GPR107: variants seen among roughly 807,000 people sequenced by gnomAD.
GPR107 encodes the protein protein GPR107.
GPR107 carries 31 observed loss-of-function variants against 75.5 expected under a neutral mutation model. The observed-to-expected ratio is 0.41, with a 90% CI of 0.31 to 0.55. GPR107 has a LOEUF of 0.55. GPR107 is among the 20% of genes least tolerant of loss of function. The pLI is 0.26. For synonymous variants in GPR107, 267 were observed against 251.3 expected (o/e 1.06, Z -0.59); for missense variants, 572 against 665.7 (o/e 0.86, Z 1.55).
chr9:130,099,574 TAATGCCTGTGTGAGCAGGCAAAAGA>T, intron 10 of GPR107, 42 bp downstream of exon 10: 1 of 1,125,462 alleles, frequency 8.9e-7, no homozygotes, highest in East Asian at 2.4e-5. Flanking sequence ...AAATTACGTA[TAATGCCTGTGTGAGCAGGCAAAAGA>T]AATTTGAAGA....
At chr9:130,097,908 G>A (rs1830916904) in intron 9 of GPR107, among the ~76,000 whole-genome samples, 1 of 151,724 alleles carries the variant, frequency 6.6e-6, no homozygotes, top group Non-Finnish European at 1.5e-5. Flanking sequence ...TTGAGACAGG[G>A]ACTCGCTCTG....
At chr9:130,072,241 G>A (rs1334788171) in intron 1 of GPR107, among the ~76,000 whole-genome samples, 5 of 146,314 alleles carry the variant, frequency 3.4e-5, no homozygotes, top group Non-Finnish European at 1.5e-5. Flanking sequence ...TTTTTTTTGA[G>A]ATGGAGTCTC....
chr9:130,126,377 C>T (rs1831686124), intron 15 of GPR107, among the ~76,000 whole-genome samples: 1 of 141,758 alleles, frequency 7.1e-6, no homozygotes, highest in Admixed American at 7.2e-5. Context: ...CGGAGTTTCG[C>T]TCTTGTCTCC....
intron 5 of GPR107, 43 bp from the exon 6 acceptor site, chr9:130,083,522 G>A: frequency 7.6e-7 from 1 of 1,321,458 alleles, no homozygotes; most frequent in South Asian, 1.5e-5. Context: ...GTATCTGTAA[G>A]TTGAGTCATG....
rs73539696 is a variant in GPR107, at chr9:130,075,737, C to T, written c.243C>T (p.Asp81=). Residue 81 remains aspartate, a synonymous_variant, in exon 2 of 18, where the codon GAC becomes GAT. Coordinates refer to ENST00000347136, the MANE Select transcript of GPR107 (RefSeq NM_020960.5). ...VSSLSLNEPE[D]KDVTIGFSLD... ...GCCTCTCACTGAATGAGCCTGAAGA[C>T]AAGGATGTGACTGTAAGTACCTTTT... The T allele has an allele frequency of 0.069, 103,934 of 1,503,276 alleles. 3,991 individuals are homozygous for T. The highest frequency in any genetic ancestry group is 0.09 in the Middle Eastern group (525 of 5,828). The allele number at this position is 1,503,276 out of a possible 1,614,324, so 93.1% of individuals were successfully genotyped here. A position where few individuals can be genotyped will look rare whatever the true frequency, so the allele number is the denominator to read the frequency against.
chr9:130,068,918 T>G (rs948541127), intron 1 of GPR107, among the ~76,000 whole-genome samples: 16 of 152,074 alleles, frequency 1.1e-4, no homozygotes, highest in African/African-American at 3.4e-4. Context: ...TTTTGTATTT[T>G]TGGCAGAGAT....
chr9:130,064,490 G>A (rs1220440653), intron 1 of GPR107, among the ~76,000 whole-genome samples: 2 of 152,106 alleles, frequency 1.3e-5, no homozygotes, highest in Admixed American at 6.5e-5. Context: ...GTGAGCCACC[G>A]CGCCCGGCCA....
intron 17 of GPR107, 50 bp from the exon 18 acceptor site, chr9:130,134,975 T>C (rs868976775): frequency 1.9e-6 from 2 of 1,068,308 alleles, no homozygotes; most frequent in Middle Eastern, 4.0e-4. Flanking sequence ...GATGGCCTTT[T>C]ACTAAGAGAC....
intron 1 of GPR107, among the ~76,000 whole-genome samples, chr9:130,065,494 G>A (rs915555152): frequency 3.3e-5 from 5 of 151,626 alleles, no homozygotes; most frequent in Admixed American, 3.3e-4. Context: ...GGCCTGGTGC[G>A]GTGGCTCATG....
chr9:130,105,136 C>A (rs951166092), intron 13 of GPR107, among the ~76,000 whole-genome samples: 1 of 152,130 alleles, frequency 6.6e-6, no homozygotes, highest in African/African-American at 2.4e-5. Context: ...AGAAGGCTAG[C>A]AGCAATAAAA....
chr9:130,100,224 C>T lies in GPR107; in HGVS notation c.940-405C>T, dbSNP rs147006781. On this transcript the variant is annotated intron_variant, in intron 10 of 17. Coordinates refer to ENST00000347136, the MANE Select transcript of GPR107 (RefSeq NM_020960.5). ...CGACTTTTTTATGTTTCCAGATATT[C>T]CCTCATGTTCCTCTGTGATTTGAAG... Among the ~76,000 whole-genome samples, 318 of 152,240 alleles carry T rather than the reference C, an allele frequency of 2.1e-3. 2 individuals carry two copies. The highest frequency in any genetic ancestry group is 7.5e-3 in the African/African-American group (311 of 41,534).
At chr9:130,076,898 T>C (rs112952797) in intron 3 of GPR107, among the ~76,000 whole-genome samples, 6,160 of 151,354 alleles carry the variant, frequency 0.041, 463 homozygotes, top group African/African-American at 0.14. Context: ...TTTTTGTTTT[T>C]TTTTTTGAGA....
At chr9:130,094,790 C>T (rs2132597218) in intron 9 of GPR107, among the ~76,000 whole-genome samples, 1 of 152,148 alleles carries the variant, frequency 6.6e-6, no homozygotes, top group African/African-American at 2.4e-5. Flanking sequence ...AAGCGATTCT[C>T]TTGCCTCAGC....
Position 130,101,074 on chromosome 9 carries a change from T to TG in GPR107, c.1014-31dup, listed in dbSNP as rs749410538. 1.7e-5 allele frequency: 20 copies of TG among 1,180,894 alleles called. No individual in the cohort carries two copies. In the South Asian group the frequency reaches 2.3e-4, roughly 14 times the overall value. The allele number at this position is 1,180,894 out of a possible 1,614,324, so 73.2% of individuals were successfully genotyped here. ...CTGGCAGTGAGAGTCTAAAGAGACC[T>TG]GCTGGTGTCTGTTCCTTGTTTTCTC... is the stretch of plus-strand genomic sequence containing the variant. On this transcript the variant is annotated intron_variant, in intron 11 of 17. Transcript: ENST00000347136.
chr9:130,084,901 C>T (rs1830580654), intron 6 of GPR107, among the ~76,000 whole-genome samples: 2 of 152,058 alleles, frequency 1.3e-5, no homozygotes, highest in Non-Finnish European at 2.9e-5. Flanking sequence ...GAGCTGTCGC[C>T]GGGGCTGAGT....
intron 4 of GPR107, among the ~76,000 whole-genome samples, chr9:130,078,226 C>T (rs558825491): frequency 4.6e-5 from 7 of 152,104 alleles, no homozygotes; most frequent in African/African-American, 1.7e-4. Context: ...TCAAGTTCAG[C>T]ATACTTCCAA....
chr9:130,088,443 T>A (rs1487450216), intron 7 of GPR107, among the ~76,000 whole-genome samples: 1 of 152,234 alleles, frequency 6.6e-6, no homozygotes, highest in Non-Finnish European at 1.5e-5. Context: ...TCCAACATGC[T>A]GTATACTGTA....
chr9:130,140,081 G>A lies in GPR107; in HGVS notation c.*4960G>A, dbSNP rs1832062183. ...TTATGTAAACATACAACGTATAATGGGTGGGGGATCCGATCATGGTGATGT... is the reference window on the plus strand; with the variant it reads ...TTATGTAAACATACAACGTATAATGAGTGGGGGATCCGATCATGGTGATGT... On this transcript the variant is annotated 3_prime_UTR_variant, in exon 18 of 18. Coordinates refer to ENST00000347136, the MANE Select transcript of GPR107 (RefSeq NM_020960.5). This position sits in a 1 kb window ranked among gnomAD's most constrained non-coding sequence, Gnocchi z 4.0. 6.6e-6 allele frequency: 1 copy of A among 152,096 alleles called. No individual in the cohort carries two copies. The highest frequency in any genetic ancestry group is 2.4e-5 in the African/African-American group (1 of 41,406). 9.4% of individuals were successfully genotyped at this position (152,096 alleles called of 1,614,324 possible). A position where few individuals can be genotyped will look rare whatever the true frequency, so the allele number is the denominator to read the frequency against.
Position 130,100,641 on chromosome 9 carries a change from T to C in GPR107, c.952T>C (p.Tyr318His). The C allele has an allele frequency of 6.2e-7, 1 of 1,611,850 alleles. No individual in the cohort carries two copies. The highest frequency in any genetic ancestry group is 1.3e-5 in the African/African-American group (1 of 75,016). Residue 318 changes from tyrosine to histidine, a missense_variant, in exon 11 of 18, where the codon TAC becomes CAC. Tyr to His is a moderately conservative substitution (Grantham distance 83, BLOSUM62 2). Coordinates refer to ENST00000347136, the MANE Select transcript of GPR107 (RefSeq NM_020960.5). Reference sequence around the variant, plus strand: ...TGTTTGATTTCAGATTGACTACCACTACATCTCCTCCCAGGGCTTCCCTAT... The same window carrying C: ...TGTTTGATTTCAGATTGACTACCACCACATCTCCTCCCAGGGCTTCCCTAT... ...SLVFHAIDYH[Y>H]ISSQGFPIEG... is the part of the protein sequence containing the mutation.
Sources: allele counts gnomAD v4.1 joint callset (sites outside exome capture counted in the v4.1 genomes callset), GRCh38; gene constraint gnomAD v4.1.1; non-coding constraint Gnocchi (gnomAD v3.1); transcripts MANE v1.5; gene names NCBI Gene and HGNC (gene_info 2026-07-23, HGNC 2026-07-21).